Variants in BTRC observed in about 807,000 individuals in gnomAD.
The protein encoded by BTRC is F-box/WD repeat-containing protein 1A.
Under a neutral mutation model 85.5 loss-of-function variants are expected in BTRC, and 42 were observed. That is an observed-to-expected ratio of 0.49 (90% CI 0.38 to 0.64). BTRC has a LOEUF of 0.64. Among genes scored for constraint, BTRC ranks in the 30% least tolerant of loss-of-function variants. BTRC has a pLI of 0.00. For synonymous variants in BTRC, 255 were observed against 263.3 expected (o/e 0.97, Z 0.30); for missense variants, 594 against 743.5 (o/e 0.80, Z 2.34).
intron 1 of BTRC, among the ~76,000 whole-genome samples, chr10:101,358,030 C>A (rs1329757864): frequency 6.6e-6 from 1 of 151,890 alleles, no homozygotes; most frequent in Non-Finnish European, 1.5e-5. Flanking sequence ...GAATATAGAC[C>A]CCAAAACACA....
intron 1 of BTRC, among the ~76,000 whole-genome samples, chr10:101,403,990 A>ATGTG (rs755617852): frequency 1.0e-5 from 1 of 97,494 alleles, no homozygotes; most frequent in East Asian, 3.1e-4. Flanking sequence ...ATCTATGTGT[A>ATGTG]TGTGTGTGTG....
At chr10:101,455,162 C>T (rs1225861123) in intron 2 of BTRC, among the ~76,000 whole-genome samples, 3 of 151,690 alleles carry the variant, frequency 2.0e-5, no homozygotes, top group Non-Finnish European at 4.4e-5. Context: ...GCGATCCTCC[C>T]GCCTTAGCCT....
At chr10:101,376,926 G>T (rs1487573930) in intron 1 of BTRC, among the ~76,000 whole-genome samples, 2 of 151,878 alleles carry the variant, frequency 1.3e-5, no homozygotes, top group African/African-American at 2.4e-5. Flanking sequence ...GCAAATTTTT[G>T]ATTCCAATTT....
chr10:101,356,513 A>G (rs1367837191), intron 1 of BTRC, among the ~76,000 whole-genome samples: 1 of 152,224 alleles, frequency 6.6e-6, no homozygotes, highest in Non-Finnish European at 1.5e-5. Flanking sequence ...CTTGGAGATG[A>G]CCATATAGTA....
chr10:101,443,229 G>A (rs1441360967), intron 2 of BTRC, among the ~76,000 whole-genome samples: 1 of 151,854 alleles, frequency 6.6e-6, no homozygotes, highest in African/African-American at 2.4e-5. Context: ...CCACAAATTT[G>A]GGCAAGTTTT....
intron 1 of BTRC, among the ~76,000 whole-genome samples, chr10:101,362,602 T>C (rs1942243603): frequency 6.6e-6 from 1 of 151,186 alleles, no homozygotes; most frequent in Non-Finnish European, 1.5e-5. Context: ...TCCATGTTGG[T>C]CAGGCTGGTC....
intron 4 of BTRC, among the ~76,000 whole-genome samples, chr10:101,501,494 A>G (rs1332039881): frequency 1.3e-5 from 2 of 152,200 alleles, no homozygotes; most frequent in Non-Finnish European, 2.9e-5. Flanking sequence ...TTCAGGCTAC[A>G]TTAAAACATT....
intron 1 of BTRC, among the ~76,000 whole-genome samples, chr10:101,428,639 T>G (rs1217060447): frequency 2.0e-5 from 3 of 152,328 alleles, no homozygotes; most frequent in Admixed American, 2.0e-4. Flanking sequence ...TTCTAGTCCC[T>G]ACTTCCCTAC....
Position 101,533,134 on chromosome 10 carries a change from G to A in BTRC, c.1097+64G>A. 2.4e-6 allele frequency: 3 copies of A among 1,232,902 alleles called. No individual in the cohort carries two copies. The South Asian group carries it at 3.8e-5, about 16-fold the overall frequency. The allele number at this position is 1,232,902 out of a possible 1,614,324, so 76.4% of individuals were successfully genotyped here. A position where few individuals can be genotyped will look rare whatever the true frequency, so the allele number is the denominator to read the frequency against. Reference sequence around the variant, plus strand: ...CAGCTCTGCTCTGTTCTTTGTCATAGATAGTAATTTTGTATATATCGGCAC... The same window carrying A: ...CAGCTCTGCTCTGTTCTTTGTCATAAATAGTAATTTTGTATATATCGGCAC... On this transcript the variant is annotated intron_variant, in intron 9 of 14. Coordinates refer to ENST00000370187, the MANE Select transcript of BTRC (RefSeq NM_033637.4).
chr10:101,426,607 GAGTA>G (rs1944258409), intron 1 of BTRC, among the ~76,000 whole-genome samples: 1 of 152,132 alleles, frequency 6.6e-6, no homozygotes, highest in African/African-American at 2.4e-5. Flanking sequence ...GTGTTAGAAC[GAGTA>G]AGTAAACTCA....
intron 3 of BTRC, among the ~76,000 whole-genome samples, chr10:101,462,974 T>A (rs1945269580): frequency 6.6e-6 from 1 of 151,462 alleles, no homozygotes; most frequent in Admixed American, 6.6e-5. Flanking sequence ...TTCAAGCGAT[T>A]CTCCTGCCTC....
At chr10:101,446,913 G>T (rs761304355) in intron 2 of BTRC, among the ~76,000 whole-genome samples, 20 of 146,956 alleles carry the variant, frequency 1.4e-4, no homozygotes, top group Admixed American at 2.8e-4. Context: ...ATTCCAGAGA[G>T]CACAATAGGG....
At chr10:101,428,855 G>A (rs1269427816) in intron 1 of BTRC, among the ~76,000 whole-genome samples, 4 of 152,000 alleles carry the variant, frequency 2.6e-5, no homozygotes, top group Admixed American at 6.6e-5. Context: ...GATAAGAGAC[G>A]GGATCTTGCT....
At chr10:101,379,297 A>G (rs1329306245) in intron 1 of BTRC, among the ~76,000 whole-genome samples, 2 of 152,214 alleles carry the variant, frequency 1.3e-5, no homozygotes, top group Non-Finnish European at 2.9e-5. Flanking sequence ...AATAAACTAC[A>G]TACAATTCTT....
chr10:101,390,496 C>CCCAG (rs201805902), intron 1 of BTRC, among the ~76,000 whole-genome samples: 6 of 151,394 alleles, frequency 4.0e-5, no homozygotes, highest in Non-Finnish European at 8.9e-5. Flanking sequence ...CGCCACCACG[C>CCCAG]CTAATTTTTT....
At chr10:101,392,839 T>C (rs1943272443) in intron 1 of BTRC, among the ~76,000 whole-genome samples, 1 of 152,192 alleles carries the variant, frequency 6.6e-6, no homozygotes, top group Non-Finnish European at 1.5e-5. Context: ...AAAGTTTTAA[T>C]ATTCCCCCTG....
At chr10:101,482,586 G>A (rs753537434) in intron 4 of BTRC, among the ~76,000 whole-genome samples, 5 of 151,676 alleles carry the variant, frequency 3.3e-5, no homozygotes, top group Admixed American at 1.3e-4. Context: ...TAGTAGAGAC[G>A]GGGTTTCACC....
intron 4 of BTRC, among the ~76,000 whole-genome samples, chr10:101,508,697 G>A (rs1457123371): frequency 1.3e-5 from 2 of 151,996 alleles, no homozygotes; most frequent in Admixed American, 6.5e-5. Flanking sequence ...GGCAGATCAC[G>A]AGGTCAGGAG....
intron 4 of BTRC, among the ~76,000 whole-genome samples, chr10:101,481,386 C>T (rs1945830209): frequency 6.6e-6 from 1 of 151,932 alleles, no homozygotes. Context: ...TGGGTGACTT[C>T]TGGCTAAATA....
Sources: allele counts gnomAD v4.1 joint callset (sites outside exome capture counted in the v4.1 genomes callset), GRCh38; gene constraint gnomAD v4.1.1; transcripts MANE v1.5; gene names NCBI Gene and HGNC (gene_info 2026-07-23, HGNC 2026-07-21).